ATP10B: variants seen among roughly 807,000 people sequenced by gnomAD.
The protein encoded by ATP10B is phospholipid-transporting ATPase VB.
Under a neutral mutation model 141.2 loss-of-function variants are expected in ATP10B, and 122 were observed. The ratio of observed to expected loss-of-function variants is 0.86; its 90% CI spans 0.75 to 1.00. The LOEUF is 1.00. Among genes scored for constraint, ATP10B ranks in the 50% least tolerant of loss-of-function variants. The probability of loss-of-function intolerance (pLI) is 0.00; values close to 1 mark genes in which losing one functional copy is unlikely to be tolerated. For synonymous variants in ATP10B, 685 were observed against 692.0 expected (o/e 0.99, Z 0.16); for missense variants, 1,876 against 1,825.3 (o/e 1.03, Z -0.51).
chr5:160,652,290 G>A (rs1262789719), intron 7 of ATP10B, among the ~76,000 whole-genome samples: 3 of 151,966 alleles, frequency 2.0e-5, no homozygotes, highest in Non-Finnish European at 2.9e-5. Flanking sequence ...GTGGAGAGGG[G>A]CATATGGGTC....
chr5:160,816,956 T>C (rs1206552171), intron 1 of ATP10B, among the ~76,000 whole-genome samples: 1 of 152,174 alleles, frequency 6.6e-6, no homozygotes, highest in Non-Finnish European at 1.5e-5. Flanking sequence ...TCAACAGCAC[T>C]TCATGCTAAA....
chr5:160,905,592 C>T, the ATP10B span, among the ~76,000 whole-genome samples: 4 of 152,018 alleles, frequency 2.6e-5, no homozygotes, highest in Non-Finnish European at 4.4e-5. Context: ...ATCTGCAACA[C>T]GTTAAATAAT....
the ATP10B span, among the ~76,000 whole-genome samples, chr5:160,880,227 A>AAT: frequency 1.2e-4 from 1 of 8,304 alleles, no homozygotes; most frequent in Admixed American, 1.1e-3. Flanking sequence ...ATATAAATAA[A>AAT]ATATAAATAT....
chr5:160,649,118 T>C, intron 8 of ATP10B, 53 bp downstream of exon 8: 2 of 1,319,266 alleles, frequency 1.5e-6, no homozygotes, highest in East Asian at 4.6e-5. Context: ...GACAATATAT[T>C]TTCTAGCTGC....
At chr5:160,786,521 C>A (rs924055707) in intron 1 of ATP10B, among the ~76,000 whole-genome samples, 1 of 152,090 alleles carries the variant, frequency 6.6e-6, no homozygotes, top group African/African-American at 2.4e-5. Flanking sequence ...AGAGAGAGGG[C>A]AGGGTGGGAA....
At chr5:160,798,059 T>A (rs1311958351) in intron 1 of ATP10B, among the ~76,000 whole-genome samples, 1 of 151,750 alleles carries the variant, frequency 6.6e-6, no homozygotes, top group African/African-American at 2.4e-5. Flanking sequence ...GTGGTGACAT[T>A]TAAACCAAGA....
chr5:160,820,207 C>T (rs1773995461), intron 1 of ATP10B, among the ~76,000 whole-genome samples: 1 of 151,264 alleles, frequency 6.6e-6, no homozygotes, highest in South Asian at 2.1e-4. Flanking sequence ...ACAACTGATA[C>T]CACAGAAATT....
chr5:160,597,102 A>T (rs550436581), intron 22 of ATP10B, among the ~76,000 whole-genome samples: 8 of 152,346 alleles, frequency 5.3e-5, no homozygotes, highest in African/African-American at 1.9e-4. Context: ...TCCTAAGCCA[A>T]AAGAACAAAG....
intron 24 of ATP10B, among the ~76,000 whole-genome samples, chr5:160,579,959 C>T (rs948710611): frequency 9.2e-5 from 14 of 152,014 alleles, no homozygotes; most frequent in African/African-American, 3.4e-4. Flanking sequence ...CATGATTTGG[C>T]TGTTTGTCTA....
At chr5:160,643,095 G>A (rs149006685) in intron 9 of ATP10B, among the ~76,000 whole-genome samples, 6 of 152,112 alleles carry the variant, frequency 3.9e-5, no homozygotes, top group African/African-American at 9.7e-5. Context: ...AAAGATCTTC[G>A]AAATAAGTCA....
At chr5:160,902,918 G>A in the ATP10B span, among the ~76,000 whole-genome samples, 1 of 152,196 alleles carries the variant, frequency 6.6e-6, no homozygotes, top group Non-Finnish European at 1.5e-5. Flanking sequence ...CAATTAGGAT[G>A]GGCACAGAGG....
At chr5:160,819,959 A>G (rs1773974913) in intron 1 of ATP10B, among the ~76,000 whole-genome samples, 1 of 152,128 alleles carries the variant, frequency 6.6e-6, no homozygotes, top group African/African-American at 2.4e-5. Flanking sequence ...AATATATCTT[A>G]AAGACCAAAG....
At chr5:160,689,514 C>T (rs1763950627) in intron 3 of ATP10B, among the ~76,000 whole-genome samples, 1 of 152,174 alleles carries the variant, frequency 6.6e-6, no homozygotes. Context: ...AGCTGATAAG[C>T]AACTTCAGCA....
At chr5:160,739,693 T>C (rs1311632412) in intron 2 of ATP10B, among the ~76,000 whole-genome samples, 1 of 152,248 alleles carries the variant, frequency 6.6e-6, no homozygotes, top group Non-Finnish European at 1.5e-5. Flanking sequence ...TGAATGGCTA[T>C]GATTCCTTCA....
intron 20 of ATP10B, chr5:160,603,058 T>A (rs933714080): frequency 3.1e-5 from 6 of 193,134 alleles, no homozygotes; most frequent in Non-Finnish European, 6.5e-5. Flanking sequence ...TTTACAATCC[T>A]CTGAACACCT....
chr5:160,826,512 A>G (rs1416381418), intron 1 of ATP10B, among the ~76,000 whole-genome samples: 1 of 152,180 alleles, frequency 6.6e-6, no homozygotes, highest in African/African-American at 2.4e-5. Context: ...AACTGTACAA[A>G]TTGATTGTAA....
chr5:160,718,359 A>C (rs1263158724), intron 2 of ATP10B, among the ~76,000 whole-genome samples: 1 of 152,204 alleles, frequency 6.6e-6, no homozygotes, highest in Non-Finnish European at 1.5e-5. Context: ...TTTGGGCCCC[A>C]GTTCTGAAGT....
chr5:160,869,292 A>G, the ATP10B span, among the ~76,000 whole-genome samples: 1 of 152,160 alleles, frequency 6.6e-6, no homozygotes, highest in Non-Finnish European at 1.5e-5. Flanking sequence ...TTTTCCCATC[A>G]GAATGAGAAC....
chr5:160,721,843 C>T (rs952790922), intron 2 of ATP10B, among the ~76,000 whole-genome samples: 1 of 152,102 alleles, frequency 6.6e-6, no homozygotes, highest in Admixed American at 6.5e-5. Context: ...CTTAATAAGA[C>T]AAAATTAAGA....
Sources: allele counts gnomAD v4.1 joint callset (sites outside exome capture counted in the v4.1 genomes callset), GRCh38; gene constraint gnomAD v4.1.1; transcripts MANE v1.5; gene names NCBI Gene and HGNC (gene_info 2026-07-23, HGNC 2026-07-21).